The following B3GALT1 variants were observed in gnomAD, a reference collection of about 807,000 sequenced individuals.
B3GALT1 encodes the protein beta-1,3-galactosyltransferase 1.
A neutral mutation model predicts 23.2 loss-of-function variants in B3GALT1; 10 were observed. The ratio of observed to expected loss-of-function variants is 0.43; its 90% CI spans 0.27 to 0.73. The LOEUF (loss-of-function observed/expected upper bound fraction) is 0.73, where lower values mean the gene tolerates loss of function less well. Among genes scored for constraint, B3GALT1 ranks in the 30% least tolerant of loss-of-function variants. B3GALT1 has a pLI of 0.21. For synonymous variants in B3GALT1, 156 were observed against 141.5 expected, an observed-to-expected ratio of 1.10 and a Z score of -0.73; for missense variants, 299 against 405.4, an observed-to-expected ratio of 0.74 and a Z score of 2.25.
At chr2:167,663,902 T>G (rs1293585385) in intron 3 of B3GALT1, among the ~76,000 whole-genome samples, 150 of 151,778 alleles carry the variant, frequency 9.9e-4, no homozygotes, top group African/African-American at 3.5e-3. Flanking sequence ...TTTCTCCCAT[T>G]TTGTGGGTTG....
At chr2:167,615,716 A>T (rs1328438934) in intron 2 of B3GALT1, among the ~76,000 whole-genome samples, 4 of 152,272 alleles carry the variant, frequency 2.6e-5, no homozygotes, top group African/African-American at 9.6e-5. Context: ...TATCTCTAAT[A>T]AGAGTAACAA....
intron 2 of B3GALT1, among the ~76,000 whole-genome samples, chr2:167,624,040 T>C (rs544563672): frequency 6.6e-6 from 1 of 152,152 alleles, no homozygotes; most frequent in South Asian, 2.1e-4. Context: ...GATCTCAGTT[T>C]TGAAGGGTGC....
At chr2:167,733,916 A>G (rs1339065890) in intron 3 of B3GALT1, among the ~76,000 whole-genome samples, 4 of 152,124 alleles carry the variant, frequency 2.6e-5, no homozygotes, top group African/African-American at 9.7e-5. Flanking sequence ...GTTATGACCA[A>G]ATTCACTTGA....
At chr2:167,734,681 T>G (rs906249669) in intron 3 of B3GALT1, among the ~76,000 whole-genome samples, 1 of 152,222 alleles carries the variant, frequency 6.6e-6, no homozygotes, top group African/African-American at 2.4e-5. Flanking sequence ...AAAGTTTCTC[T>G]TGTAAAATTT....
At chr2:167,751,854 T>C (rs528870768) in intron 3 of B3GALT1, among the ~76,000 whole-genome samples, 79 of 152,314 alleles carry the variant, frequency 5.2e-4, no homozygotes, top group African/African-American at 1.6e-3. Context: ...CAGATACTGC[T>C]GCAGTCTAGG....
chr2:167,735,801 A>T (rs1687482760), intron 3 of B3GALT1, among the ~76,000 whole-genome samples: 1 of 152,206 alleles, frequency 6.6e-6, no homozygotes. Context: ...TTTTTAAAAG[A>T]TAGAAAAATA....
chr2:167,620,749 A>G (rs1021530246), intron 2 of B3GALT1, among the ~76,000 whole-genome samples: 1 of 152,038 alleles, frequency 6.6e-6, no homozygotes, highest in Admixed American at 6.6e-5. Flanking sequence ...TTTATGGACC[A>G]TTTAGTGCCA....
intron 1 of B3GALT1, among the ~76,000 whole-genome samples, chr2:167,413,594 C>G (rs962275059): frequency 2.6e-5 from 4 of 151,858 alleles, no homozygotes; most frequent in African/African-American, 4.8e-5. Flanking sequence ...ATCTACTGTT[C>G]ATTTTTAAAG....
At chr2:167,773,775 C>CT (rs1688111589) in intron 3 of B3GALT1, among the ~76,000 whole-genome samples, 1 of 152,220 alleles carries the variant, frequency 6.6e-6, no homozygotes, top group East Asian at 1.9e-4. Flanking sequence ...TCTCATCTCT[C>CT]TTTTATATGC....
intron 1 of B3GALT1, among the ~76,000 whole-genome samples, chr2:167,441,979 T>C (rs868105659): frequency 0.016 from 2,498 of 151,802 alleles, 77 homozygotes; most frequent in African/African-American, 0.058. Context: ...GCTGCACCCA[T>C]TAACTCGTCA....
chr2:167,772,868 G>A (rs1688095967), intron 3 of B3GALT1, among the ~76,000 whole-genome samples: 1 of 152,146 alleles, frequency 6.6e-6, no homozygotes. Flanking sequence ...CTGTCCAAAT[G>A]TTTCCTAATT....
At chr2:167,747,706 C>T (rs751487404) in intron 3 of B3GALT1, among the ~76,000 whole-genome samples, 13 of 152,130 alleles carry the variant, frequency 8.5e-5, no homozygotes, top group Non-Finnish European at 1.5e-4. Context: ...TAGTTTCCTG[C>T]GGAATTTCAT....
At position 167,512,590 on chromosome 2, in the gene B3GALT1, A is replaced by G. The variant is rs1313102484; in HGVS notation, c.-410+22313A>G. Among the ~76,000 whole-genome samples the G allele has an allele frequency of 8.4e-5, 8 of 95,042 alleles. 1 individual carries two copies. Among genetic ancestry groups the G allele is most frequent in the South Asian group, 6.9e-4 (2 of 2,900 alleles). The allele number at this position is 95,042 out of a possible 152,430, so 62.4% of individuals were successfully genotyped here. ...TATGTATATATATATGTATATATAT[A>G]TGTGTATATATATATATGTATATAT... On this transcript the variant is annotated intron_variant, in intron 2 of 4. Transcript: ENST00000392690.
intron 3 of B3GALT1, among the ~76,000 whole-genome samples, chr2:167,649,207 A>G (rs1216133765): frequency 1.3e-5 from 2 of 152,114 alleles, no homozygotes; most frequent in Non-Finnish European, 2.9e-5. Flanking sequence ...TTTTTCAAAG[A>G]TAAACCTTGG....
At chr2:167,569,199 T>G (rs959165989) in intron 2 of B3GALT1, among the ~76,000 whole-genome samples, 1 of 152,056 alleles carries the variant, frequency 6.6e-6, no homozygotes, top group East Asian at 1.9e-4. Flanking sequence ...TATTTGTTAT[T>G]CTGGATTTTT....
At chr2:167,523,510 C>T (rs186630150) in intron 2 of B3GALT1, among the ~76,000 whole-genome samples, 8 of 151,870 alleles carry the variant, frequency 5.3e-5, no homozygotes, top group Admixed American at 2.0e-4. Flanking sequence ...ACTGCAACTT[C>T]CGCGTCCCAC....
chr2:167,454,554 G>A (rs1176699241), intron 1 of B3GALT1, among the ~76,000 whole-genome samples: 5 of 152,150 alleles, frequency 3.3e-5, no homozygotes, highest in East Asian at 1.9e-4. Context: ...CAGGAGAGAC[G>A]TGGTTCAGAA....
chr2:167,427,287 A>T (rs1303639715), intron 1 of B3GALT1, among the ~76,000 whole-genome samples: 1 of 152,172 alleles, frequency 6.6e-6, no homozygotes, highest in Non-Finnish European at 1.5e-5. Context: ...TGAGGAGAGC[A>T]TCTGCTTGTT....
At chr2:167,761,667 T>G (rs1201321281) in intron 3 of B3GALT1, among the ~76,000 whole-genome samples, 1 of 152,206 alleles carries the variant, frequency 6.6e-6, no homozygotes, top group Non-Finnish European at 1.5e-5. Flanking sequence ...CCCTTACTAT[T>G]TCTTTAAGCA....
Sources: gnomAD v4.1 joint callset for allele counts (sites outside exome capture counted in the v4.1 genomes callset) on GRCh38, gnomAD v4.1.1 for gene constraint, MANE v1.5 for transcripts, NCBI Gene and HGNC (gene_info 2026-07-23, HGNC 2026-07-21) for gene names.